CAV1: variants seen among roughly 807,000 people sequenced by gnomAD.
CAV1 encodes caveolin 1, also known as caveolin-1.
A neutral mutation model predicts 16.5 loss-of-function variants in CAV1; 10 were observed. The observed-to-expected ratio is 0.61, with a 90% CI of 0.37 to 1.03. CAV1 has a LOEUF of 1.03. Among genes scored for constraint, CAV1 ranks in the 50% least tolerant of loss-of-function variants. The pLI is 0.01. For missense variants in CAV1, 212 were observed against 232.8 expected, an observed-to-expected ratio of 0.91 and a Z score of 0.58; for synonymous variants, 76 against 85.1, an observed-to-expected ratio of 0.89 and a Z score of 0.59.
Position 116,559,187 on chromosome 7 carries a change from G to T in CAV1, c.437G>T (p.Arg146Leu), listed in dbSNP as rs762818040. The change falls in exon 3 of 3, where the codon CGT becomes CTT. Residue 146 changes from arginine (R) to leucine (L), a missense_variant. Physicochemically the swap from Arg to Leu is moderately radical, Grantham distance 102. Coordinates refer to ENST00000341049, the MANE Select transcript of CAV1 (RefSeq NM_001753.5). Reference sequence around the variant, plus strand: ...CTGATTGAGATTCAGTGCATCAGCCGTGTCTATTCCATCTACGTCCACACC... The same window carrying T: ...CTGATTGAGATTCAGTGCATCAGCCTTGTCTATTCCATCTACGTCCACACC... ...SFLIEIQCIS[R>L]VYSIYVHTVC... The T allele has an allele frequency of 9.9e-6, 16 of 1,613,822 alleles. No homozygotes were observed. Among genetic ancestry groups the T allele is most frequent in the African/African-American group, 1.3e-5 (1 of 74,914 alleles).
At chr7:116,534,395 A>ATATATATATTTTTTTT (rs1442237865) in intron 2 of CAV1, among the ~76,000 whole-genome samples, 1 of 7,834 alleles carries the variant, frequency 1.3e-4, no homozygotes, top group African/African-American at 3.3e-4. Flanking sequence ...ATATATATAT[A>ATATATATATTTTTTTT]TTTTTTTTTT....
rs988474094 is a variant in CAV1 at position 116,531,606 on chromosome 7, A to G, written c.195+4917A>G. On this transcript the variant is annotated intron_variant, in intron 2 of 2. Transcript: ENST00000341049. Reference sequence around the variant, plus strand: ...GATTTATTTTTATTATTATTATTATACTTTAAGTTTTAGGGTACATGTGCA... The same window carrying G: ...GATTTATTTTTATTATTATTATTATGCTTTAAGTTTTAGGGTACATGTGCA... 1.1e-4 allele frequency among the ~76,000 whole-genome samples: 16 copies of G among 152,174 alleles called. 1 individual carries two copies. Among genetic ancestry groups the G allele is most frequent in the Admixed American group, 5.2e-4 (8 of 15,280 alleles).
intron 2 of CAV1, among the ~76,000 whole-genome samples, chr7:116,546,203 A>G (rs1794042599): frequency 6.6e-6 from 1 of 152,180 alleles, no homozygotes; most frequent in African/African-American, 2.4e-5. Flanking sequence ...TACCAAATTG[A>G]CACCAGAGGA....
intron 2 of CAV1, among the ~76,000 whole-genome samples, chr7:116,527,369 G>A (rs1005573534): frequency 1.3e-5 from 2 of 152,222 alleles, no homozygotes; most frequent in African/African-American, 4.8e-5. Context: ...CCTGCACTTA[G>A]ATGTGGAAAG....
At position 116,559,102 on chromosome 7, in the gene CAV1, T is replaced by C. The variant is rs758332584; in HGVS notation, c.352T>C (p.Tyr118His). 2 of 1,613,976 alleles carry C rather than the reference T, an allele frequency of 1.2e-6. No individual in the cohort carries two copies. The highest frequency in any genetic ancestry group is 1.7e-6 in the Non-Finnish European group (2 of 1,179,930). Reference sequence around the variant, plus strand: ...CCCGATGGCACTCATCTGGGGCATTTACTTCGCCATTCTCTCTTTCCTGCA... The same window carrying C: ...CCCGATGGCACTCATCTGGGGCATTCACTTCGCCATTCTCTCTTTCCTGCA... ...GIPMALIWGI[Y>H]FAILSFLHIW... The change falls in exon 3 of 3, where the codon TAC becomes CAC. Residue 118 changes from tyrosine to histidine, a missense_variant. Coordinates refer to ENST00000341049, the MANE Select transcript of CAV1 (RefSeq NM_001753.5).
At position 116,555,598 on chromosome 7, in the gene CAV1, A is replaced by G. The variant is rs183009343; in HGVS notation, c.196-3348A>G. Among the ~76,000 whole-genome samples the G allele has an allele frequency of 2.4e-3, 238 of 100,178 alleles. 5 individuals carry two copies. The highest frequency in any genetic ancestry group is 5.6e-3 in the African/African-American group (147 of 26,118). 65.7% of individuals were successfully genotyped at this position (100,178 alleles called of 152,430 possible). The stretch of plus-strand genomic sequence containing the variant: ...AAAGAAAGAAAGAAAGAAAGAAAGA[A>G]AGAAAGAGAAAGAAAGAAAGAAGGG... On this transcript the variant is annotated intron_variant, in intron 2 of 2. Coordinates refer to ENST00000341049, the MANE Select transcript of CAV1 (RefSeq NM_001753.5).
At position 116,526,346 on chromosome 7, in the gene CAV1, C is replaced by T. The variant is rs56014347; in HGVS notation, c.31-179C>T. 109,064 of 1,477,908 alleles carry T rather than the reference C, an allele frequency of 0.074. 4,642 individuals are homozygous for T. The highest frequency in any genetic ancestry group is 0.086 in the Non-Finnish European group (95,622 of 1,116,526). The allele number at this position is 1,477,908 out of a possible 1,614,324, so 91.5% of individuals were successfully genotyped here. On this transcript the variant is annotated intron_variant, in intron 1 of 2. Coordinates refer to ENST00000341049, the MANE Select transcript of CAV1 (RefSeq NM_001753.5). ...CGAGATCCTCTTAAAAAGCTGGCTACGCGCAGGCGGTTTCTGTGCACGGAG... is the reference window on the plus strand; with the variant it reads ...CGAGATCCTCTTAAAAAGCTGGCTATGCGCAGGCGGTTTCTGTGCACGGAG...
intron 1 of CAV1, 138 bp downstream of exon 1, chr7:116,525,230 G>T: frequency 6.2e-7 from 1 of 1,611,196 alleles, no homozygotes; most frequent in Admixed American, 1.7e-5. Flanking sequence ...CGTTGGCACC[G>T]CTGAGGAATG....
intron 1 of CAV1, 193 bp from the exon 2 acceptor site, chr7:116,526,330 CTT>C (rs893761596): frequency 1.4e-6 from 2 of 1,456,820 alleles, no homozygotes; most frequent in African/African-American, 2.8e-5. Context: ...GCGAGATCCT[CTT>C]AAAAAGCTGG....
In CAV1 at chr7:116,525,292, T is replaced by C. The variant is rs1305709793; in HGVS notation, c.30+200T>C. 4 of 1,559,164 alleles carry C rather than the reference T, an allele frequency of 2.6e-6. No homozygotes were observed. The African/African-American group carries it at 4.1e-5, about 16-fold the overall frequency. Reference sequence around the variant, plus strand: ...CCAGGAATGTTTTATGTTTTCCTAATGGAGAGGGGGCCTAGGGAGCCCCTG... The same window carrying C: ...CCAGGAATGTTTTATGTTTTCCTAACGGAGAGGGGGCCTAGGGAGCCCCTG... On this transcript the variant is annotated intron_variant, in intron 1 of 2. Coordinates refer to ENST00000341049, the MANE Select transcript of CAV1 (RefSeq NM_001753.5).
At chr7:116,540,500 C>T (rs917385632) in intron 2 of CAV1, among the ~76,000 whole-genome samples, 4 of 152,096 alleles carry the variant, frequency 2.6e-5, no homozygotes, top group African/African-American at 9.7e-5. Context: ...AGGAAGTAGC[C>T]ATCAAAAAAG....
At chr7:116,532,870 A>C (rs1208246357) in intron 2 of CAV1, among the ~76,000 whole-genome samples, 2 of 152,214 alleles carry the variant, frequency 1.3e-5, no homozygotes, top group Non-Finnish European at 2.9e-5. Context: ...TGGTTTCAGC[A>C]TAATGGCCTA....
chr7:116,554,582 G>C (rs1464681872), intron 2 of CAV1, among the ~76,000 whole-genome samples: 3 of 152,150 alleles, frequency 2.0e-5, no homozygotes, highest in Non-Finnish European at 4.4e-5. Flanking sequence ...GAGAATATCT[G>C]TCTCATTTTA....
chr7:116,528,964 G>A (rs1793628756), intron 2 of CAV1, among the ~76,000 whole-genome samples: 3 of 152,040 alleles, frequency 2.0e-5, no homozygotes, highest in Non-Finnish European at 4.4e-5. Flanking sequence ...TGAGTAGCTG[G>A]GACTACAAGT....
In CAV1 at chr7:116,559,173, T is replaced by A; in HGVS notation, c.423T>A (p.Ile141=). ...VPCIKSFLIE[I]QCISRVYSIY... is the part of the protein sequence containing the mutation. ...GCATTAAGAGCTTCCTGATTGAGATTCAGTGCATCAGCCGTGTCTATTCCA... is the reference window on the plus strand; with the variant it reads ...GCATTAAGAGCTTCCTGATTGAGATACAGTGCATCAGCCGTGTCTATTCCA... Residue 141 remains isoleucine (I), a synonymous_variant, in exon 3 of 3, where the codon ATT becomes ATA. Transcript: ENST00000341049. The A allele has an allele frequency of 1.2e-6, 2 of 1,613,984 alleles. No individual in the cohort carries two copies. Among genetic ancestry groups the A allele is most frequent in the Admixed American group, 1.7e-5 (1 of 60,000 alleles).
chr7:116,529,896 T>C (rs1166334296), intron 2 of CAV1, among the ~76,000 whole-genome samples: 2 of 152,236 alleles, frequency 1.3e-5, no homozygotes, highest in Non-Finnish European at 2.9e-5. Context: ...CCCTCTGAGA[T>C]TTCTGTGTCA....
chr7:116,534,362 G>GATATAT lies in CAV1; in HGVS notation c.195+7702_195+7707dup, dbSNP rs1181031913. On this transcript the variant is annotated intron_variant, in intron 2 of 2. Transcript: ENST00000341049. ...AATACAGATGCCTGGGCCCACCTCA[G>GATATAT]ATATATATATATATATATATATATA... 2.9e-3 allele frequency among the ~76,000 whole-genome samples: 121 copies of GATATAT among 42,418 alleles called. 3 individuals are homozygous for GATATAT. Among genetic ancestry groups the GATATAT allele is most frequent in the South Asian group, 8.4e-3 (6 of 718 alleles). The allele number at this position is 42,418 out of a possible 152,430, so 27.8% of individuals were successfully genotyped here.
chr7:116,559,204 G>T lies in CAV1; in HGVS notation c.454G>T (p.Val152Phe). The T allele has an allele frequency of 6.2e-7, 1 of 1,613,878 alleles. No homozygotes were observed. Among genetic ancestry groups the T allele is most frequent in the Non-Finnish European group, 8.5e-7 (1 of 1,179,892 alleles). The change falls in exon 3 of 3, where the codon GTC becomes TTC. Residue 152 changes from valine to phenylalanine, a missense_variant. By Grantham distance (50) the Val-to-Phe change is conservative. Coordinates refer to ENST00000341049, the MANE Select transcript of CAV1 (RefSeq NM_001753.5). ...QCISRVYSIY[V>F]HTVCDPLFEA... The stretch of plus-strand genomic sequence containing the variant: ...CATCAGCCGTGTCTATTCCATCTAC[G>T]TCCACACCGTCTGTGACCCACTCTT...
intron 2 of CAV1, among the ~76,000 whole-genome samples, chr7:116,557,317 G>A (rs975048196): frequency 6.6e-6 from 1 of 152,174 alleles, no homozygotes; most frequent in Non-Finnish European, 1.5e-5. Flanking sequence ...TTATTTTGTT[G>A]AATCAAAGGT....
Sources: gnomAD v4.1 joint callset for allele counts (sites outside exome capture counted in the v4.1 genomes callset) on GRCh38, gnomAD v4.1.1 for gene constraint, MANE v1.5 for transcripts, NCBI Gene and HGNC (gene_info 2026-07-23, HGNC 2026-07-21) for gene names.